The following ZFPM1 variants were observed in gnomAD, a reference collection of about 807,000 sequenced individuals.
ZFPM1 encodes the protein zinc finger protein, FOG family member 1.
Under a neutral mutation model 46.3 loss-of-function variants are expected in ZFPM1, and 28 were observed. That is an observed-to-expected ratio of 0.60 (90% CI 0.45 to 0.83). The LOEUF (loss-of-function observed/expected upper bound fraction) is 0.83, where lower values mean the gene tolerates loss of function less well. ZFPM1 is among the 40% of genes least tolerant of loss of function. The probability of loss-of-function intolerance (pLI) is 0.00; values close to 1 mark genes in which losing one functional copy is unlikely to be tolerated. For missense variants in ZFPM1, 1,878 were observed against 1,432.4 expected (o/e 1.31, Z -5.02); for synonymous variants, 957 against 675.9 (o/e 1.42, Z -6.45).
At chr16:88,470,512 C>G (rs1253711373) in intron 1 of ZFPM1, among the ~76,000 whole-genome samples, 1 of 151,522 alleles carries the variant, frequency 6.6e-6, no homozygotes, top group African/African-American at 2.4e-5. Context: ...CACTCAGTGA[C>G]AGGTGAGGAT....
chr16:88,458,726 G>A (rs1314739881), intron 1 of ZFPM1, among the ~76,000 whole-genome samples: 1 of 152,192 alleles, frequency 6.6e-6, no homozygotes, highest in Non-Finnish European at 1.5e-5. Flanking sequence ...ATACCCGTGG[G>A]TATTCCTGGA....
At chr16:88,459,567 C>G (rs1182002003) in intron 1 of ZFPM1, among the ~76,000 whole-genome samples, 1 of 127,230 alleles carries the variant, frequency 7.9e-6, no homozygotes, top group African/African-American at 3.0e-5. Flanking sequence ...CTTCATTCCC[C>G]CCTCCTCTTC....
chr16:88,529,493 G>C (rs562082787), intron 6 of ZFPM1, among the ~76,000 whole-genome samples: 58 of 152,336 alleles, frequency 3.8e-4, no homozygotes, highest in Non-Finnish European at 7.1e-4. Context: ...CAGGGGAGCA[G>C]ACCCCCACTC....
rs1197386591 is a variant in ZFPM1 at position 88,534,776 on chromosome 16, C to T, written c.2818C>T (p.Pro940Ser). 18 of 1,241,100 alleles carry T rather than the reference C, an allele frequency of 1.5e-5. No homozygotes were observed. The highest frequency in any genetic ancestry group is 1.7e-5 in the Non-Finnish European group (17 of 987,420). The allele number at this position is 1,241,100 out of a possible 1,614,324, so 76.9% of individuals were successfully genotyped here. ...CCCGCCCCCGTCCCCGGCCGCCGCG[C>T]CCGAGGCCGTGCCGCCCCCGCCGGC... ...PGPPPSPAAA[P>S]EAVPPPPAPP... is the part of the protein sequence containing the mutation. The change falls in exon 10 of 10, where the codon CCC becomes TCC. Residue 940 changes from proline to serine, a missense_variant. Pro to Ser is a moderately conservative substitution (Grantham distance 74). Transcript: ENST00000319555.
At chr16:88,454,810 A>T (rs868818241) in intron 1 of ZFPM1, among the ~76,000 whole-genome samples, 1 of 152,120 alleles carries the variant, frequency 6.6e-6, no homozygotes, top group Non-Finnish European at 1.5e-5. Context: ...GAGCCCTGCC[A>T]GGAGGCCACG....
Position 88,533,828 on chromosome 16 carries a change from G to A in ZFPM1, c.1870G>A (p.Ala624Thr). The A allele has an allele frequency of 1.0e-6, 1 of 995,446 alleles. No homozygotes were observed. The highest frequency in any genetic ancestry group is 4.6e-5 in the South Asian group (1 of 21,854). 61.7% of individuals were successfully genotyped at this position (995,446 alleles called of 1,614,324 possible). The change falls in exon 10 of 10, where the codon GCG becomes ACG. Residue 624 changes from alanine (A) to threonine (T), a missense_variant. By Grantham distance (58) the Ala-to-Thr change is moderately conservative. Coordinates refer to ENST00000319555, the MANE Select transcript of ZFPM1 (RefSeq NM_153813.3). ...CAAGGCGCCCCCCGGCCCGGCCCGC[G>A]CGCCCCCCGGCCAGCCCGCCGAACC... ...RPKAPPGPARAPPGQPAEPDA... is the reference protein window; with the variant it reads ...RPKAPPGPARTPPGQPAEPDA...
chr16:88,501,997 G>A (rs901749827), intron 3 of ZFPM1, among the ~76,000 whole-genome samples: 1 of 151,658 alleles, frequency 6.6e-6, no homozygotes, highest in East Asian at 1.9e-4. Flanking sequence ...CCCTGCAAAC[G>A]CCCCAACCCA....
chr16:88,472,435 C>T (rs1049731762), intron 1 of ZFPM1, among the ~76,000 whole-genome samples: 3 of 149,926 alleles, frequency 2.0e-5, no homozygotes, highest in African/African-American at 7.4e-5. Flanking sequence ...CCCACTGCAA[C>T]ATCTGCCTCC....
chr16:88,525,137 G>C (rs891837594), intron 4 of ZFPM1, among the ~76,000 whole-genome samples: 5 of 152,242 alleles, frequency 3.3e-5, no homozygotes, highest in Non-Finnish European at 7.3e-5. Context: ...CCAAGAGGCA[G>C]GGGTGGCCCA....
At chr16:88,496,008 C>T (rs963169433) in intron 3 of ZFPM1, among the ~76,000 whole-genome samples, 3 of 152,146 alleles carry the variant, frequency 2.0e-5, no homozygotes, top group Non-Finnish European at 4.4e-5. Context: ...GTGACTCCTG[C>T]GGCTCTCACC....
At chr16:88,526,430 G>C (rs951445135) in intron 4 of ZFPM1, among the ~76,000 whole-genome samples, 2 of 150,364 alleles carry the variant, frequency 1.3e-5, no homozygotes, top group Non-Finnish European at 2.9e-5. Context: ...TGGGGGCAAG[G>C]GTGGGCGAGC....
intron 3 of ZFPM1, among the ~76,000 whole-genome samples, chr16:88,492,872 G>A (rs1005748103): frequency 2.0e-5 from 3 of 152,148 alleles, no homozygotes; most frequent in South Asian, 2.1e-4. Context: ...CCCAACACCC[G>A]CTGCACACAT....
intron 3 of ZFPM1, among the ~76,000 whole-genome samples, chr16:88,498,224 C>A (rs1309719980): frequency 6.6e-6 from 1 of 151,990 alleles, no homozygotes; most frequent in African/African-American, 2.4e-5. Flanking sequence ...CCCCGCCCCA[C>A]TTCACAGCTG....
In ZFPM1 at chr16:88,533,920, C is replaced by T; in HGVS notation, c.1962C>T (p.Pro654=). The T allele has an allele frequency of 1.7e-6, 2 of 1,206,336 alleles. No homozygotes were observed. The highest frequency in any genetic ancestry group is 2.1e-6 in the Non-Finnish European group (2 of 953,758). The allele number at this position is 1,206,336 out of a possible 1,614,324, so 74.7% of individuals were successfully genotyped here. A position where few individuals can be genotyped will look rare whatever the true frequency, so the allele number is the denominator to read the frequency against. Residue 654 remains proline (P), a synonymous_variant, in exon 10 of 10, where the codon CCC becomes CCT. Transcript: ENST00000319555. The stretch of plus-strand genomic sequence containing the variant: ...AGGGGGCTGGGGGCGCGGCCACGCC[C>T]GAGGACGGCGCGGGCGGCCGGGGCA... ...REEGAGGAAT[P]EDGAGGRGSE... is the part of the protein sequence containing the mutation.
chr16:88,511,979 C>G (rs1045630097), intron 3 of ZFPM1, among the ~76,000 whole-genome samples: 1 of 152,170 alleles, frequency 6.6e-6, no homozygotes, highest in African/African-American at 2.4e-5. Flanking sequence ...AGGCCCCTCG[C>G]CCAGCCCCCG....
At chr16:88,460,666 C>T (rs1203898278) in intron 1 of ZFPM1, among the ~76,000 whole-genome samples, 1 of 152,184 alleles carries the variant, frequency 6.6e-6, no homozygotes, top group East Asian at 1.9e-4. Context: ...TTAGAGACTC[C>T]GCTTTAGAGT....
At chr16:88,532,402 G>C (rs1053586592) in intron 7 of ZFPM1, among the ~76,000 whole-genome samples, 167 bp downstream of exon 7, 4 of 152,208 alleles carry the variant, frequency 2.6e-5, no homozygotes, top group Admixed American at 2.0e-4. Flanking sequence ...CAGGCAGGCC[G>C]GACTGTGGGC....
Position 88,516,477 on chromosome 16 carries a change from G to A in ZFPM1, c.402+1957G>A, listed in dbSNP as rs540674257. 1.0e-5 allele frequency: 4 copies of A among 398,482 alleles called. No individual in the cohort carries two copies. The South Asian group carries it at 5.2e-4, about 52-fold the overall frequency. 24.7% of individuals were successfully genotyped at this position (398,482 alleles called of 1,614,324 possible). On this transcript the variant is annotated intron_variant, in intron 4 of 9. Transcript: ENST00000319555. The stretch of plus-strand genomic sequence containing the variant: ...TGGGGCTCTGTGGGGAGCCCGGGGA[G>A]GAAGGAGCCCCCGCTCCACTCTTCC...
chr16:88,458,555 T>TGGGCTTGAC (rs893849044), intron 1 of ZFPM1, among the ~76,000 whole-genome samples: 2 of 152,234 alleles, frequency 1.3e-5, no homozygotes, highest in Non-Finnish European at 2.9e-5. Flanking sequence ...CAGACGTTCC[T>TGGGCTTGAC]GGGCTTGACG....
Sources: allele counts gnomAD v4.1 joint callset (sites outside exome capture counted in the v4.1 genomes callset), GRCh38; gene constraint gnomAD v4.1.1; transcripts MANE v1.5; gene names NCBI Gene and HGNC (gene_info 2026-07-23, HGNC 2026-07-21).